Variants in UXS1 observed in about 807,000 individuals in gnomAD.
The protein encoded by UXS1 is UDP-glucuronic acid decarboxylase 1.
UXS1 carries 33 observed loss-of-function variants against 62.6 expected under a neutral mutation model. The observed-to-expected ratio is 0.53, with a 90% CI of 0.40 to 0.70. The LOEUF is 0.70. Ranked by LOEUF, UXS1 falls within the 30% of genes least tolerant of loss-of-function variation. The pLI is 0.00. For synonymous variants in UXS1, 213 were observed against 206.8 expected (o/e 1.03, Z -0.26); for missense variants, 434 against 556.3 (o/e 0.78, Z 2.21).
At chr2:106,190,231 C>T (rs1479435877) in intron 1 of UXS1, among the ~76,000 whole-genome samples, 1 of 152,196 alleles carries the variant, frequency 6.6e-6, no homozygotes, top group Admixed American at 6.5e-5. Flanking sequence ...TCACTAGGAA[C>T]AGCATTTACA....
intron 6 of UXS1, among the ~76,000 whole-genome samples, chr2:106,143,408 C>CAAAGAAAA (rs1681296038): frequency 5.2e-5 from 2 of 38,634 alleles, no homozygotes; most frequent in Non-Finnish European, 8.7e-5. Context: ...GACTCCGTCT[C>CAAAGAAAA]AAAAAAAAAA....
chr2:106,151,429 G>T (rs1027606710), intron 5 of UXS1, among the ~76,000 whole-genome samples: 1 of 152,084 alleles, frequency 6.6e-6, no homozygotes, highest in Non-Finnish European at 1.5e-5. Context: ...ATGAATTTAC[G>T]TCATTATTGC....
At chr2:106,103,263 G>A (rs1677744216) in intron 11 of UXS1, among the ~76,000 whole-genome samples, 1 of 152,236 alleles carries the variant, frequency 6.6e-6, no homozygotes, top group Non-Finnish European at 1.5e-5. Context: ...ATGCCCTTGA[G>A]ATAATGAGAG....
intron 1 of UXS1, among the ~76,000 whole-genome samples, chr2:106,191,096 T>C (rs1377078798): frequency 6.6e-6 from 1 of 152,058 alleles, no homozygotes; most frequent in Non-Finnish European, 1.5e-5. Flanking sequence ...ACAATGCAAG[T>C]TAGCAGGTGG....
chr2:106,105,814 T>C (rs1001733134), intron 10 of UXS1, among the ~76,000 whole-genome samples: 2 of 151,902 alleles, frequency 1.3e-5, no homozygotes, highest in Non-Finnish European at 2.9e-5. Context: ...GGAACAAGAG[T>C]GCCCTCGGGG....
intron 1 of UXS1, among the ~76,000 whole-genome samples, chr2:106,184,778 C>T (rs1159960892): frequency 6.6e-6 from 1 of 152,168 alleles, no homozygotes; most frequent in Non-Finnish European, 1.5e-5. Flanking sequence ...CACAAACATT[C>T]AGATCACAGC....
chr2:106,192,330 G>A (rs1333034869), intron 1 of UXS1, among the ~76,000 whole-genome samples: 1 of 152,152 alleles, frequency 6.6e-6, no homozygotes, highest in African/African-American at 2.4e-5. Context: ...CGAGGCAGGC[G>A]GATCACGAGG....
rs562319981 is a variant in UXS1, at chr2:106,188,954, A to G, written c.94+5194T>C. Among the ~76,000 whole-genome samples the G allele has an allele frequency of 4.2e-4, 64 of 152,390 alleles. 2 individuals are homozygous for G. The South Asian group carries it at 0.013, about 32-fold the overall frequency. On this transcript the variant is annotated intron_variant, in intron 1 of 14. Transcript: ENST00000283148. ...ACAGAACAAAAAAGAACTCTTATAC[A>G]TGAAAAAGTATGGCAAAAATAAAAT...
rs553408636 is a variant in UXS1, at chr2:106,096,017, C to T, written c.1146+701G>A. Among the ~76,000 whole-genome samples, 178 of 152,344 alleles carry T rather than the reference C, an allele frequency of 1.2e-3. 1 individual carries two copies. In the Middle Eastern group the frequency reaches 0.017, roughly 15 times the overall value. On this transcript the variant is annotated intron_variant, in intron 14 of 14. Coordinates refer to ENST00000283148, the MANE Select transcript of UXS1 (RefSeq NM_001253875.2). ...GGAAGGCATGCAGTTCCCCTTCCTC[C>T]ACACCCTTCAGTCTCGCACGCTTCC...
chr2:106,177,913 C>G (rs1683992705), intron 1 of UXS1, among the ~76,000 whole-genome samples: 1 of 152,206 alleles, frequency 6.6e-6, no homozygotes, highest in African/African-American at 2.4e-5. Context: ...TGACGTGACC[C>G]AAATCTGAGA....
chr2:106,107,947 G>A (rs960700800), intron 10 of UXS1, among the ~76,000 whole-genome samples: 1 of 152,232 alleles, frequency 6.6e-6, no homozygotes, highest in African/African-American at 2.4e-5. Flanking sequence ...CCTAGTACAA[G>A]AGGAGGCTGT....
At chr2:106,117,490 G>A (rs1252922840) in intron 9 of UXS1, among the ~76,000 whole-genome samples, 5 of 152,110 alleles carry the variant, frequency 3.3e-5, no homozygotes, top group African/African-American at 1.2e-4. Context: ...TGCTGATGGT[G>A]TTAAGTGATG....
intron 4 of UXS1, among the ~76,000 whole-genome samples, chr2:106,163,156 G>A (rs1053321433): frequency 6.6e-6 from 1 of 152,158 alleles, no homozygotes; most frequent in East Asian, 1.9e-4. Flanking sequence ...GGTTCTCTCC[G>A]AAATCTGACT....
chr2:106,164,817 A>T lies in UXS1; in HGVS notation c.123-18T>A. On this transcript the variant is annotated intron_variant, in intron 2 of 14. Coordinates refer to ENST00000283148, the MANE Select transcript of UXS1 (RefSeq NM_001253875.2). ...GTAGAAAGCTATAAAACTGAGATCA[A>T]CTGAAAGGCTTTGTGACTTTAAGAC... 1 of 1,557,688 alleles carries T rather than the reference A, an allele frequency of 6.4e-7. No homozygotes were observed. The highest frequency in any genetic ancestry group is 8.7e-7 in the Non-Finnish European group (1 of 1,152,242).
intron 10 of UXS1, among the ~76,000 whole-genome samples, chr2:106,109,365 T>C (rs922902799): frequency 2.0e-5 from 3 of 152,214 alleles, no homozygotes; most frequent in South Asian, 2.1e-4. Flanking sequence ...CTAAACATCA[T>C]ACCAGCTTTG....
Position 106,175,233 on chromosome 2 carries a change from T to G in UXS1, c.95-9150A>C, listed in dbSNP as rs1348917820. 5.9e-5 allele frequency among the ~76,000 whole-genome samples: 9 copies of G among 152,178 alleles called. No homozygotes were observed. In the South Asian group the frequency reaches 1.9e-3, roughly 31 times the overall value. On this transcript the variant is annotated intron_variant, in intron 1 of 14. Transcript: ENST00000283148. ...GGGCACCTTGAGCACACTGAAAGTA[T>G]TATTGGCAGAGAAAGTTCCAGAATG...
At chr2:106,167,332 G>C (rs930481) in intron 1 of UXS1, among the ~76,000 whole-genome samples, 149,138 of 152,264 alleles carry the variant, frequency 0.98, 73,098 homozygotes, top group South Asian at 1. Flanking sequence ...GGTGCTTCCA[G>C]GTGCCGAGGA....
intron 5 of UXS1, among the ~76,000 whole-genome samples, chr2:106,157,400 G>C (rs1217570252): frequency 2.0e-5 from 3 of 152,114 alleles, no homozygotes; most frequent in Non-Finnish European, 4.4e-5. Flanking sequence ...GATACCCCTG[G>C]GTATTCTTCA....
chr2:106,163,087 G>A (rs73951235), intron 4 of UXS1, among the ~76,000 whole-genome samples: 2,387 of 152,292 alleles, frequency 0.016, 75 homozygotes, highest in African/African-American at 0.054. Context: ...GAGGCTCAGC[G>A]GCCTCGGGAG....
Sources: allele counts gnomAD v4.1 joint callset (sites outside exome capture counted in the v4.1 genomes callset), GRCh38; gene constraint gnomAD v4.1.1; transcripts MANE v1.5; gene names NCBI Gene and HGNC (gene_info 2026-07-23, HGNC 2026-07-21).